Variants in ANK2 observed in about 807,000 individuals in gnomAD.
ANK2 encodes the protein ankyrin 2.
ANK2 carries 83 observed loss-of-function variants against 360.5 expected under a neutral mutation model. The observed-to-expected ratio is 0.23, with a 90% CI of 0.19 to 0.28. The LOEUF (loss-of-function observed/expected upper bound fraction) is 0.28, where lower values mean the gene tolerates loss of function less well. ANK2 is among the 10% of genes least tolerant of loss of function. The pLI is 1.00. For synonymous variants in ANK2, 1,740 were observed against 1,759.5 expected, an observed-to-expected ratio of 0.99 and a Z score of 0.28; for missense variants, 4,201 against 4,795.7, an observed-to-expected ratio of 0.88 and a Z score of 3.66.
intron 26 of ANK2, among the ~76,000 whole-genome samples, chr4:113,320,078 T>C (rs1379168038): frequency 1.3e-5 from 2 of 152,198 alleles, no homozygotes; most frequent in Non-Finnish European, 2.9e-5. Flanking sequence ...AAGGAACTTT[T>C]AAAAGAAGTT....
chr4:113,214,369 C>A lies in ANK2; in HGVS notation c.384+15260C>A. The A allele has an allele frequency of 1.2e-5, 11 of 916,734 alleles. 1 individual carries two copies. The highest frequency in any genetic ancestry group is 5.0e-5 in the East Asian group (2 of 39,836). 56.8% of individuals were successfully genotyped at this position (916,734 alleles called of 1,614,324 possible). On this transcript the variant is annotated intron_variant, in intron 4 of 45. Transcript: ENST00000357077. ...TGGCCGCGGCCCTTTTTGGCACGACCATTGTTCCTTCTTTTCTTTGTCATC... is the reference window on the plus strand; with the variant it reads ...TGGCCGCGGCCCTTTTTGGCACGACAATTGTTCCTTCTTTTCTTTGTCATC...
At position 113,330,378 on chromosome 4, in the gene ANK2, C is replaced by A; in HGVS notation, c.3033C>A (p.Arg1011=). Residue 1011 remains arginine, a synonymous_variant, in exon 27 of 46, where the codon CGC becomes CGA. Coordinates refer to ENST00000357077, the MANE Select transcript of ANK2 (RefSeq NM_001148.6). The part of the protein sequence containing the change: ...PTRVTCRLVK[R]HRLATMPPMV... ...GAGTCACCTGCCGACTGGTCAAGCG[C>A]CACAGACTGGCAACAATGCCTCCAA... The A allele has an allele frequency of 6.2e-7, 1 of 1,614,226 alleles. No homozygotes were observed. The highest frequency in any genetic ancestry group is 1.3e-5 in the African/African-American group (1 of 75,062).
intron 2 of ANK2, among the ~76,000 whole-genome samples, chr4:113,044,235 A>C (rs1229904094): frequency 6.6e-6 from 1 of 152,186 alleles, no homozygotes; most frequent in Non-Finnish European, 1.5e-5. Context: ...AGGTTTAATA[A>C]AAAAGGGAAT....
intron 14 of ANK2, among the ~76,000 whole-genome samples, chr4:113,273,894 C>G (rs1227900104): frequency 6.6e-6 from 1 of 152,192 alleles, no homozygotes; most frequent in Non-Finnish European, 1.5e-5. Flanking sequence ...CCAGAACTAT[C>G]TACAGCATTT....
intron 1 of ANK2, among the ~76,000 whole-genome samples, chr4:113,128,486 GTTAT>G (rs920742155): frequency 2.0e-5 from 3 of 152,102 alleles, no homozygotes; most frequent in African/African-American, 7.2e-5. Flanking sequence ...TGAACTCGTT[GTTAT>G]TTATTTATTT....
intron 41 of ANK2, among the ~76,000 whole-genome samples, chr4:113,366,706 T>A (rs928900275): frequency 3.3e-5 from 5 of 152,146 alleles, no homozygotes; most frequent in Admixed American, 3.3e-4. Flanking sequence ...AAATATCGCC[T>A]CCTAAGCAGA....
intron 4 of ANK2, among the ~76,000 whole-genome samples, chr4:113,214,798 T>C (rs1231724350): frequency 1.3e-5 from 2 of 152,184 alleles, no homozygotes; most frequent in South Asian, 2.1e-4. Context: ...TTCAAATCAC[T>C]GGGAAATTTT....
chr4:113,321,728 C>G (rs2086383812), intron 26 of ANK2, among the ~76,000 whole-genome samples: 1 of 151,670 alleles, frequency 6.6e-6, no homozygotes, highest in Non-Finnish European at 1.5e-5. Context: ...CAAGTTCTAC[C>G]CAAAATGTAA....
At chr4:113,025,579 T>G (rs1194868360) in intron 2 of ANK2, among the ~76,000 whole-genome samples, 1 of 152,198 alleles carries the variant, frequency 6.6e-6, no homozygotes, top group Non-Finnish European at 1.5e-5. Context: ...TTCTAAGGCT[T>G]CTCTTCAATC....
At chr4:112,805,370 C>T in the ANK2 span, among the ~76,000 whole-genome samples, 1 of 152,092 alleles carries the variant, frequency 6.6e-6, no homozygotes, top group East Asian at 1.9e-4. Flanking sequence ...TATTGGTTGC[C>T]TACCTTTGTA....
intron 2 of ANK2, among the ~76,000 whole-genome samples, chr4:112,979,177 C>T (rs538298104): frequency 1.3e-5 from 2 of 152,266 alleles, no homozygotes; most frequent in East Asian, 3.9e-4. Context: ...CTGCCAAGGG[C>T]GAGCCAGGTG....
chr4:113,286,398 C>A (rs1253715776), intron 18 of ANK2, among the ~76,000 whole-genome samples: 2 of 152,152 alleles, frequency 1.3e-5, no homozygotes, highest in Admixed American at 1.3e-4. Flanking sequence ...AAGCTCCAGG[C>A]CCACAAGGAA....
At chr4:113,047,812 A>G (rs1387351866), upstream of ANK2, among the ~76,000 whole-genome samples, 1 of 152,112 alleles carries the variant, frequency 6.6e-6, no homozygotes, top group African/African-American at 2.4e-5. Flanking sequence ...AGTGAGGGGC[A>G]GCAAAACAGA....
chr4:112,944,879 A>G (rs988299884), intron 2 of ANK2, among the ~76,000 whole-genome samples: 2 of 152,236 alleles, frequency 1.3e-5, no homozygotes, highest in African/African-American at 4.8e-5. Flanking sequence ...ATTATCTTTT[A>G]GGAAAAAGTA....
intron 1 of ANK2, among the ~76,000 whole-genome samples, chr4:113,138,619 G>A (rs573494222): frequency 6.6e-6 from 1 of 152,290 alleles, no homozygotes; most frequent in Admixed American, 6.5e-5. Flanking sequence ...AATGTCATAT[G>A]TGTGTATTTT....
intron 24 of ANK2, among the ~76,000 whole-genome samples, chr4:113,314,895 C>G (rs571609965): frequency 6.6e-6 from 1 of 152,176 alleles, no homozygotes; most frequent in Admixed American, 6.5e-5. Flanking sequence ...GTAGAGGAGG[C>G]TAGAATACAA....
At chr4:113,075,796 A>C (rs1489999135) in intron 1 of ANK2, among the ~76,000 whole-genome samples, 2 of 152,194 alleles carry the variant, frequency 1.3e-5, no homozygotes, top group African/African-American at 4.8e-5. Context: ...AATTATTAAA[A>C]CATTCCTTTT....
At chr4:113,028,806 T>A (rs139300892) in intron 2 of ANK2, among the ~76,000 whole-genome samples, 1 of 152,046 alleles carries the variant, frequency 6.6e-6, no homozygotes, top group African/African-American at 2.4e-5. Context: ...GTTTCCACAA[T>A]GAGGAAAAAT....
At chr4:112,952,706 T>G (rs2095103958) in intron 2 of ANK2, among the ~76,000 whole-genome samples, 1 of 152,224 alleles carries the variant, frequency 6.6e-6, no homozygotes, top group African/African-American at 2.4e-5. Context: ...TCTAAATTAT[T>G]GAGCAAAATT....
Sources: gnomAD v4.1 joint callset for allele counts (sites outside exome capture counted in the v4.1 genomes callset) on GRCh38, gnomAD v4.1.1 for gene constraint, MANE v1.5 for transcripts, NCBI Gene and HGNC (gene_info 2026-07-23, HGNC 2026-07-21) for gene names.